The following RBMS3 variants were observed in gnomAD, a reference collection of about 807,000 sequenced individuals.
RBMS3 encodes the protein RNA binding motif single stranded interacting protein 3, also known as RNA-binding motif, single-stranded-interacting protein 3.
Under a neutral mutation model 66.8 loss-of-function variants are expected in RBMS3, and 27 were observed. The ratio of observed to expected loss-of-function variants is 0.40; its 90% CI spans 0.30 to 0.56. The LOEUF is 0.56. Ranked by LOEUF, RBMS3 falls within the 20% of genes least tolerant of loss-of-function variation. RBMS3 has a pLI of 0.40. For missense variants in RBMS3, 513 were observed against 549.5 expected (o/e 0.93, Z 0.66); for synonymous variants, 188 against 183.0 (o/e 1.03, Z -0.22).
intron 8 of RBMS3, among the ~76,000 whole-genome samples, chr3:29,886,036 G>GT (rs1215943118): frequency 6.6e-6 from 1 of 151,750 alleles, no homozygotes; most frequent in Non-Finnish European, 1.5e-5. Flanking sequence ...TAAAAAGATA[G>GT]TTTTTGCTGG....
chr3:29,643,981 A>T (rs946539812), intron 4 of RBMS3, among the ~76,000 whole-genome samples: 1 of 152,174 alleles, frequency 6.6e-6, no homozygotes, highest in African/African-American at 2.4e-5. Context: ...TTTCGAGTGC[A>T]TTGGTTTCTC....
intron 2 of RBMS3, among the ~76,000 whole-genome samples, chr3:29,458,053 T>A (rs531550686): frequency 5.3e-5 from 8 of 152,324 alleles, no homozygotes; most frequent in African/African-American, 1.9e-4. Context: ...TCAGATAGCC[T>A]TCTGAATCTT....
intron 1 of RBMS3, among the ~76,000 whole-genome samples, chr3:29,298,468 T>TA (rs2033440336): frequency 2.0e-5 from 3 of 151,970 alleles, no homozygotes; most frequent in Non-Finnish European, 4.4e-5. Context: ...CTTTGATACT[T>TA]ACCTTTGCTT....
chr3:29,946,582 G>C (rs2149708186), intron 12 of RBMS3, among the ~76,000 whole-genome samples: 1 of 151,718 alleles, frequency 6.6e-6, no homozygotes, highest in South Asian at 2.1e-4. Flanking sequence ...ACATTTATTT[G>C]TGTTGTCGTG....
chr3:29,586,738 ATTAACT>A (rs144505723), intron 3 of RBMS3, among the ~76,000 whole-genome samples: 1,647 of 152,232 alleles, frequency 0.011, 28 homozygotes, highest in African/African-American at 0.037. Flanking sequence ...GGTTTTGAAA[ATTAACT>A]TTAGGGAGAG....
chr3:29,357,776 G>A (rs1028522714), intron 1 of RBMS3, among the ~76,000 whole-genome samples: 4 of 152,252 alleles, frequency 2.6e-5, no homozygotes, highest in Admixed American at 1.3e-4. Context: ...TTGTGGTTTT[G>A]ATTTGCATTT....
chr3:29,550,562 A>T (rs2046147945), intron 3 of RBMS3, among the ~76,000 whole-genome samples: 1 of 152,170 alleles, frequency 6.6e-6, no homozygotes, highest in Non-Finnish European at 1.5e-5. Context: ...TTATAATGTA[A>T]CATAAGACTA....
At chr3:29,745,624 A>G (rs2054857630) in intron 5 of RBMS3, among the ~76,000 whole-genome samples, 1 of 152,170 alleles carries the variant, frequency 6.6e-6, no homozygotes, top group African/African-American at 2.4e-5. Context: ...GAGCATTCAC[A>G]ATTAATCCAG....
At chr3:29,478,466 C>G (rs144213669) in intron 2 of RBMS3, among the ~76,000 whole-genome samples, 124 of 152,198 alleles carry the variant, frequency 8.1e-4, no homozygotes, top group Non-Finnish European at 1.4e-3. Context: ...GAGAGCTCCA[C>G]CCTCATGACC....
intron 12 of RBMS3, among the ~76,000 whole-genome samples, chr3:29,958,296 C>A (rs559277837): frequency 5.3e-5 from 8 of 152,098 alleles, no homozygotes; most frequent in Non-Finnish European, 1.0e-4. Flanking sequence ...ATCAATTAAT[C>A]TTTTGAAAGC....
At chr3:29,357,155 C>T (rs1478645506) in intron 1 of RBMS3, among the ~76,000 whole-genome samples, 2 of 152,030 alleles carry the variant, frequency 1.3e-5, no homozygotes, top group Non-Finnish European at 2.9e-5. Context: ...CCCATTAACT[C>T]GTCATTTACA....
intron 6 of RBMS3, among the ~76,000 whole-genome samples, chr3:29,767,772 G>A (rs2055999349): frequency 6.6e-6 from 1 of 151,970 alleles, no homozygotes; most frequent in African/African-American, 2.4e-5. Flanking sequence ...ATATTTAAAT[G>A]CAATTTATCT....
At chr3:29,631,228 T>C (rs778842068) in intron 4 of RBMS3, among the ~76,000 whole-genome samples, 2 of 151,846 alleles carry the variant, frequency 1.3e-5, no homozygotes, top group Non-Finnish European at 2.9e-5. Flanking sequence ...ATAAGAACAT[T>C]CCTTGAGGCT....
At chr3:29,639,270 A>G (rs2049593485) in intron 4 of RBMS3, among the ~76,000 whole-genome samples, 1 of 151,882 alleles carries the variant, frequency 6.6e-6, no homozygotes, top group African/African-American at 2.4e-5. Context: ...TCTAAGGGAA[A>G]GGAGATGATC....
At chr3:29,721,238 T>G (rs1400467045) in intron 4 of RBMS3, among the ~76,000 whole-genome samples, 2 of 152,170 alleles carry the variant, frequency 1.3e-5, no homozygotes, top group Non-Finnish European at 1.5e-5. Flanking sequence ...CATTTATGCC[T>G]CGTTACATCC....
At chr3:29,494,594 G>C (rs2043670172) in intron 3 of RBMS3, among the ~76,000 whole-genome samples, 1 of 152,184 alleles carries the variant, frequency 6.6e-6, no homozygotes, top group Non-Finnish European at 1.5e-5. Context: ...ACAAGACACA[G>C]AGATTTGCAC....
At chr3:29,309,557 A>G (rs1157531893) in intron 1 of RBMS3, among the ~76,000 whole-genome samples, 1 of 151,548 alleles carries the variant, frequency 6.6e-6, no homozygotes. Context: ...TTAAGAGGGA[A>G]ATTATAGAAA....
intron 1 of RBMS3, among the ~76,000 whole-genome samples, chr3:29,369,824 G>A (rs530519663): frequency 3.0e-4 from 46 of 151,902 alleles, no homozygotes; most frequent in Non-Finnish European, 5.3e-4. Context: ...ACTTTTAAAG[G>A]CAGCCATTTT....
At chr3:29,750,431 G>A (rs1364492345) in intron 5 of RBMS3, among the ~76,000 whole-genome samples, 5 of 152,214 alleles carry the variant, frequency 3.3e-5, no homozygotes, top group Admixed American at 1.3e-4. Context: ...ATAAAACAAT[G>A]TAATATAATA....
Sources: allele counts gnomAD v4.1 joint callset (sites outside exome capture counted in the v4.1 genomes callset), GRCh38; gene constraint gnomAD v4.1.1; transcripts MANE v1.5; gene names NCBI Gene and HGNC (gene_info 2026-07-23, HGNC 2026-07-21).